NDC80: variants seen among roughly 807,000 people sequenced by gnomAD.
NDC80 encodes NDC80 kinetochore complex component, also known as kinetochore protein NDC80 homolog.
A neutral mutation model predicts 89.3 loss-of-function variants in NDC80; 69 were observed. That is an observed-to-expected ratio of 0.77 (90% CI 0.64 to 0.94). The LOEUF is 0.94. Ranked by LOEUF, NDC80 falls within the 40% of genes least tolerant of loss-of-function variation. The pLI, the probability that NDC80 is intolerant of heterozygous loss-of-function variation, is 0.00. For synonymous variants in NDC80, 243 were observed against 255.6 expected (o/e 0.95, Z 0.47); for missense variants, 593 against 739.6 (o/e 0.80, Z 2.30).
At chr18:2,577,536 C>G (rs752769670) in intron 3 of NDC80, among the ~76,000 whole-genome samples, 6 of 152,136 alleles carry the variant, frequency 3.9e-5, no homozygotes, top group Non-Finnish European at 7.4e-5. Context: ...ATTCTTGCCT[C>G]GTTTTACATC....
Position 2,610,813 on chromosome 18 carries a change from C to T in NDC80, c.1743C>T (p.Asn581=), listed in dbSNP as rs766848379. 1.3e-6 allele frequency: 2 copies of T among 1,591,658 alleles called. No individual in the cohort carries two copies. The highest frequency in any genetic ancestry group is 1.7e-6 in the Non-Finnish European group (2 of 1,164,352). The change falls in exon 16 of 17, where the codon AAC becomes AAT. Residue 581 remains asparagine (N), a synonymous_variant. Coordinates refer to ENST00000261597, the MANE Select transcript of NDC80 (RefSeq NM_006101.3). The part of the protein sequence containing the change: ...TTEERRKVGN[N]LQRLLEMVAT... Reference sequence around the variant, plus strand: ...AAGAAAGACGAAAAGTGGGAAATAACTTGCAACGTCTGTTAGAGATGGTTG... The same window carrying T: ...AAGAAAGACGAAAAGTGGGAAATAATTTGCAACGTCTGTTAGAGATGGTTG...
At chr18:2,588,589 AT>A (rs905356902) in intron 8 of NDC80, among the ~76,000 whole-genome samples, 27 of 152,204 alleles carry the variant, frequency 1.8e-4, no homozygotes, top group African/African-American at 5.8e-4. Context: ...TCCTCCAACA[AT>A]GGAATCAATC....
rs1264161938 is a variant in NDC80 at position 2,614,642 on chromosome 18, A to AAAG, written c.1792-1792_1792-1790dup. Among the ~76,000 whole-genome samples, 17 of 90,366 alleles carry AAAG rather than the reference A, an allele frequency of 1.9e-4. 3 individuals carry two copies. Among genetic ancestry groups the AAAG allele is most frequent in the Middle Eastern group, 0.011 (2 of 180 alleles). 59.3% of individuals were successfully genotyped at this position (90,366 alleles called of 152,430 possible). The stretch of plus-strand genomic sequence containing the variant: ...GAAAGAAAGAAAGAAAGAAAGAAAG[A>AAAG]AAGAAAGAAAGAAATAAATTTGGCA... On this transcript the variant is annotated intron_variant, in intron 16 of 16. Transcript: ENST00000261597.
chr18:2,594,864 C>T (rs1401809884), intron 10 of NDC80: 6 of 152,176 alleles, frequency 3.9e-5, no homozygotes, highest in Non-Finnish European at 8.8e-5. Context: ...GAGGGATCCT[C>T]GATATTACAA....
chr18:2,603,687 G>T (rs1043757740), intron 13 of NDC80, among the ~76,000 whole-genome samples: 1 of 152,012 alleles, frequency 6.6e-6, no homozygotes, highest in African/African-American at 2.4e-5. Flanking sequence ...GAATTATGAA[G>T]TAATATAGTA....
At chr18:2,606,732 C>T (rs950644124) in intron 14 of NDC80, among the ~76,000 whole-genome samples, 2 of 152,002 alleles carry the variant, frequency 1.3e-5, no homozygotes, top group South Asian at 4.1e-4. Flanking sequence ...AGAAAAGGAA[C>T]ATTTACTTTT....
intron 11 of NDC80, 116 bp downstream of exon 11, chr18:2,595,737 G>A: frequency 1.4e-6 from 1 of 695,368 alleles, no homozygotes; most frequent in Non-Finnish European, 2.4e-6. Context: ...TAAAACATTA[G>A]CATTGACATT....
intron 5 of NDC80, 28 bp downstream of exon 5, chr18:2,578,169 A>G (rs772450438): frequency 6.4e-7 from 1 of 1,574,634 alleles, no homozygotes; most frequent in Non-Finnish European, 8.7e-7. Flanking sequence ...TAGTTTAGAG[A>G]CATGACTGGC....
chr18:2,610,697 A>T, intron 15 of NDC80, 62 bp from the exon 16 acceptor site: 2 of 1,083,868 alleles, frequency 1.8e-6, no homozygotes, highest in African/African-American at 1.6e-5. Flanking sequence ...GAAGTGAGCT[A>T]ACTAGAACGG....
intron 2 of NDC80, among the ~76,000 whole-genome samples, chr18:2,573,691 CTG>C (rs1389462112): frequency 6.6e-6 from 1 of 152,122 alleles, no homozygotes; most frequent in Non-Finnish European, 1.5e-5. Flanking sequence ...TACTTGCTAA[CTG>C]TTTTTAAATT....
intron 16 of NDC80, among the ~76,000 whole-genome samples, chr18:2,615,600 T>C (rs1053591121): frequency 2.0e-5 from 3 of 152,230 alleles, no homozygotes; most frequent in African/African-American, 7.2e-5. Context: ...TGTAAGCTAA[T>C]AGTCACAGGT....
At chr18:2,573,678 A>G (rs1166691132) in intron 2 of NDC80, among the ~76,000 whole-genome samples, 3 of 152,228 alleles carry the variant, frequency 2.0e-5, no homozygotes, top group African/African-American at 7.2e-5. Context: ...CCGAGGTACA[A>G]GTTACTTGCT....
chr18:2,616,319 C>A, intron 16 of NDC80, 118 bp from the exon 17 acceptor site: 1 of 641,760 alleles, frequency 1.6e-6, no homozygotes, highest in Non-Finnish European at 2.4e-6. Context: ...GCCACCATGC[C>A]CGGCCCTTTT....
rs571158375 is a variant in NDC80, at chr18:2,580,956, G to C, written c.579+1927G>C. 7.9e-5 allele frequency among the ~76,000 whole-genome samples: 12 copies of C among 151,656 alleles called. No homozygotes were observed. The East Asian group carries it at 2.2e-3, about 27-fold the overall frequency. On this transcript the variant is annotated intron_variant, in intron 6 of 16. Coordinates refer to ENST00000261597, the MANE Select transcript of NDC80 (RefSeq NM_006101.3). ...GGGGTTTCACCATCTTGGCCAGGCT[G>C]GTCTCAAACTTCTGACCTCGTGATC...
At chr18:2,612,395 TCTC>T (rs1354454684) in intron 16 of NDC80, among the ~76,000 whole-genome samples, 2 of 145,994 alleles carry the variant, frequency 1.4e-5, no homozygotes, top group East Asian at 4.3e-4. Context: ...TTCAAGGGAT[TCTC>T]CTGCCTCAGC....
rs752780661 is a variant in NDC80, at chr18:2,577,764, C to T, written c.198C>T (p.Ser66=). 20 of 1,613,740 alleles carry T rather than the reference C, an allele frequency of 1.2e-5. No homozygotes were observed. The highest frequency in any genetic ancestry group is 8.8e-5 in the South Asian group (8 of 91,058). The part of the protein sequence containing the change: ...LFGKRTSGHG[S]RNSQLGIFSS... ...TTTCCAGAACTAGTGGACATGGATC[C>T]CGGAATAGTCAACTTGGTATATTTT... is the stretch of plus-strand genomic sequence containing the variant. Residue 66 remains serine (S), a synonymous_variant, in exon 4 of 17, where the codon TCC becomes TCT. Coordinates refer to ENST00000261597, the MANE Select transcript of NDC80 (RefSeq NM_006101.3).
chr18:2,572,547 G>A (rs2143624853), intron 1 of NDC80, among the ~76,000 whole-genome samples: 2 of 152,270 alleles, frequency 1.3e-5, no homozygotes, highest in African/African-American at 4.8e-5. Context: ...CAAAGAAAAG[G>A]AAACATTTTG....
chr18:2,585,252 G>T, intron 7 of NDC80, 50 bp downstream of exon 7: 2 of 1,381,444 alleles, frequency 1.4e-6, no homozygotes, highest in African/African-American at 1.4e-5. Flanking sequence ...TGATATTATT[G>T]TGTCACTATT....
rs747456662 is a variant in NDC80, at chr18:2,606,384, T to C, written c.1465-31T>C. 4.1e-6 allele frequency: 6 copies of C among 1,465,190 alleles called. No individual in the cohort carries two copies. The East Asian group carries it at 9.3e-5, about 23-fold the overall frequency. 90.8% of individuals were successfully genotyped at this position (1,465,190 alleles called of 1,614,324 possible). The stretch of plus-strand genomic sequence containing the variant: ...TTAAAATATCTTTGATGTATAGTTA[T>C]GATTTCTCAACCAAAGTTTTATTTC... On this transcript the variant is annotated intron_variant, in intron 13 of 16. Transcript: ENST00000261597.
Sources: gnomAD v4.1 joint callset for allele counts (sites outside exome capture counted in the v4.1 genomes callset) on GRCh38, gnomAD v4.1.1 for gene constraint, MANE v1.5 for transcripts, NCBI Gene and HGNC (gene_info 2026-07-23, HGNC 2026-07-21) for gene names.